Variants in ICAM3 observed in about 807,000 individuals in gnomAD.
ICAM3 encodes the protein intercellular adhesion molecule 3, also known as ICAM-3.
Under a neutral mutation model 43.6 loss-of-function variants are expected in ICAM3, and 54 were observed. That is an observed-to-expected ratio of 1.24 (90% CI 0.99 to 1.55). The LOEUF is 1.55. Among genes scored for constraint, ICAM3 ranks in the 40% most tolerant of loss-of-function variants. The pLI is 0.00. For synonymous variants in ICAM3, 306 were observed against 312.6 expected, an observed-to-expected ratio of 0.98 and a Z score of 0.22; for missense variants, 715 against 717.9, an observed-to-expected ratio of 1.00 and a Z score of 0.05.
At position 10,338,696 on chromosome 19, in the gene ICAM3, T is replaced by C; in HGVS notation, c.329A>G (p.Asn110Ser). Residue 110 changes from asparagine (N) to serine (S), a missense_variant, in exon 2 of 7, where the codon AAC (asparagine) becomes AGC (serine). By Grantham distance (46) the Asn-to-Ser change is conservative. Transcript: ENST00000160262. ...CNGSQITGSS[N>S]ITVYRLPERV... Reference sequence around the variant, plus strand: ...CGTCGACTCACTGTACACGGTGATGTTAGAGGAGCCTGTTATCTGAGAGCC... The same window carrying C: ...CGTCGACTCACTGTACACGGTGATGCTAGAGGAGCCTGTTATCTGAGAGCC... 6.2e-7 allele frequency: 1 copy of C among 1,614,082 alleles called. No homozygotes were observed. The highest frequency in any genetic ancestry group is 1.3e-5 in the African/African-American group (1 of 75,054).
chr19:10,334,654 G>A lies in ICAM3; in HGVS notation c.1066C>T (p.Gln356Ter). ...LDGVPAAAPG[Q>*]PAQLQLNATE... Reference sequence around the variant, plus strand: ...GCATTTAGCTGAAGTTGAGCTGGCTGCCCCGGGGCCGCGGCCGGAACTCCG... The same window carrying A: ...GCATTTAGCTGAAGTTGAGCTGGCTACCCCGGGGCCGCGGCCGGAACTCCG... Residue 356 changes from glutamine to a stop codon, truncating the protein, a stop_gained, in exon 5 of 7, where the codon CAG becomes TAG. Coordinates refer to ENST00000160262, the MANE Select transcript of ICAM3 (RefSeq NM_002162.5). LOFTEE classifies it high-confidence loss of function. The surrounding 1 kb of genome is among the most constrained non-coding windows in gnomAD (Gnocchi z 5.5). 3.1e-6 allele frequency: 5 copies of A among 1,613,298 alleles called. No individual in the cohort carries two copies. In the East Asian group the frequency reaches 1.1e-4, roughly 36 times the overall value.
Position 10,334,962 on chromosome 19 carries a change from T to TGC in ICAM3, c.937+102_937+103dup. The stretch of plus-strand genomic sequence containing the variant: ...ACTCAGGCCCAACCCACGTTGCAAC[T>TGC]GCTATTGGGGCAAGCCAGGCCCCAC... On this transcript the variant is annotated intron_variant, in intron 4 of 6. Transcript: ENST00000160262. This position sits in a 1 kb window ranked among gnomAD's most constrained non-coding sequence, Gnocchi z 5.5. 6.7e-7 allele frequency: 1 copy of TGC among 1,487,894 alleles called. No homozygotes were observed. Among genetic ancestry groups the TGC allele is most frequent in the East Asian group, 2.3e-5 (1 of 43,854 alleles). The allele number at this position is 1,487,894 out of a possible 1,614,324, so 92.2% of individuals were successfully genotyped here.
chr19:10,339,482 T>A, intron 1 of ICAM3, 57 bp downstream of exon 1: 7 of 1,454,992 alleles, frequency 4.8e-6, no homozygotes, highest in Non-Finnish European at 6.7e-6. Context: ...TCCTCTACCC[T>A]CTACTGATCC....
chr19:10,338,991 C>T (rs1315331208), intron 1 of ICAM3, 43 bp from the exon 2 acceptor site: 1 of 1,601,008 alleles, frequency 6.2e-7, no homozygotes, highest in Admixed American at 1.7e-5. Context: ...TTCCTTGTCC[C>T]CCAACCCACG....
rs1473883457 is a variant in ICAM3 at position 10,335,073 on chromosome 19, C to G, written c.930G>C (p.Thr310=). The change falls in exon 4 of 7, where the codon ACG becomes ACC. Residue 310 remains threonine (T), a synonymous_variant. Coordinates refer to ENST00000160262, the MANE Select transcript of ICAM3 (RefSeq NM_002162.5). ...TCCCACGCCTCCTCTTACTAAAGAC[C>G]GTCAAGTTCTCCCGGGCCTCCCGTC... is the stretch of plus-strand genomic sequence containing the variant. ...GERREARENL[T]VFSFLGPIVN... 8.7e-6 allele frequency: 14 copies of G among 1,612,336 alleles called. No individual in the cohort carries two copies. The highest frequency in any genetic ancestry group is 1.2e-5 in the Non-Finnish European group (14 of 1,179,144).
At chr19:10,335,415 TC>T in intron 3 of ICAM3, 62 bp from the exon 4 acceptor site, 22 of 1,419,382 alleles carry the variant, frequency 1.5e-5, no homozygotes, top group Non-Finnish European at 1.9e-5. Flanking sequence ...GACACCCTCA[TC>T]CCCCCCAGTC....
Position 10,334,738 on chromosome 19 carries a change from C to T in ICAM3, c.982G>A (p.Glu328Lys), listed in dbSNP as rs1568316763. The change falls in exon 5 of 7, where the codon GAG (glutamate) becomes AAG (lysine). Residue 328 changes from glutamate (E) to lysine (K), a missense_variant. Physicochemically the swap from Glu to Lys is moderately conservative, Grantham distance 56. Transcript: ENST00000160262. This position sits in a 1 kb window ranked among gnomAD's most constrained non-coding sequence, Gnocchi z 5.5. Reference sequence around the variant, plus strand: ...CAACTCACGGTCACTGTGGACCCCTCATGGGCGGTGGGCTCGCTGAGGTTC... The same window carrying T: ...CAACTCACGGTCACTGTGGACCCCTTATGGGCGGTGGGCTCGCTGAGGTTC... ...IVNLSEPTAH[E>K]GSTVTVSCMA... is the part of the protein sequence containing the mutation. 2 of 1,610,478 alleles carry T rather than the reference C, an allele frequency of 1.2e-6. No individual in the cohort carries two copies. Among genetic ancestry groups the T allele is most frequent in the African/African-American group, 1.3e-5 (1 of 74,872 alleles).
At chr19:10,337,648 G>A (rs2040613276) in intron 2 of ICAM3, among the ~76,000 whole-genome samples, 1 of 152,120 alleles carries the variant, frequency 6.6e-6, no homozygotes, top group South Asian at 2.1e-4. Context: ...TAAGAGACAA[G>A]GGTCTTGCTT....
chr19:10,334,710 A>G lies in ICAM3; in HGVS notation c.1010T>C (p.Met337Thr), dbSNP rs1418742573. Residue 337 changes from methionine to threonine, a missense_variant, in exon 5 of 7, where the codon ATG (methionine) becomes ACG (threonine). Met to Thr is a moderately conservative substitution (Grantham distance 81). Coordinates refer to ENST00000160262, the MANE Select transcript of ICAM3 (RefSeq NM_002162.5). The surrounding 1 kb of genome is among the most constrained non-coding windows in gnomAD (Gnocchi z 5.5). ...HEGSTVTVSC[M>T]AGARVQVTLD... is the part of the protein sequence containing the mutation. The stretch of plus-strand genomic sequence containing the variant: ...CGTGACCTGGACTCGAGCCCCAGCC[A>G]TGCAACTCACGGTCACTGTGGACCC... 5 of 1,613,156 alleles carry G rather than the reference A, an allele frequency of 3.1e-6. No homozygotes were observed. The highest frequency in any genetic ancestry group is 4.2e-6 in the Non-Finnish European group (5 of 1,179,982).
Position 10,334,276 on chromosome 19 carries a change from C to G in ICAM3, c.1325G>C (p.Arg442Pro). The change falls in exon 6 of 7, where the codon CGG becomes CCG. Residue 442 changes from arginine (R) to proline (P), a missense_variant. Transcript: ENST00000160262. The surrounding 1 kb of genome is among the most constrained non-coding windows in gnomAD (Gnocchi z 5.5). ...GAACGGGATCCCCACCGGCACCTCC[C>G]GGCTGGAGCCTTCCTTCAAACACCG... is the stretch of plus-strand genomic sequence containing the variant. ...ELRCLKEGSS[R>P]EVPVGIPFFV... is the part of the protein sequence containing the mutation. 1 of 1,614,210 alleles carries G rather than the reference C, an allele frequency of 6.2e-7. No individual in the cohort carries two copies. Among genetic ancestry groups the G allele is most frequent in the Non-Finnish European group, 8.5e-7 (1 of 1,180,032 alleles).
chr19:10,335,082 C>T lies in ICAM3; in HGVS notation c.921G>A (p.Glu307=). ...TCCTCTTACTAAAGACCGTCAAGTT[C>T]TCCCGGGCCTCCCGTCTCTCGCCCC... ...TLGGERREAR[E]NLTVFSFLGP... The change falls in exon 4 of 7, where the codon GAG becomes GAA. Residue 307 remains glutamate, a synonymous_variant. Transcript: ENST00000160262. 6.2e-7 allele frequency: 1 copy of T among 1,613,096 alleles called. No individual in the cohort carries two copies. Among genetic ancestry groups the T allele is most frequent in the Non-Finnish European group, 8.5e-7 (1 of 1,179,534 alleles).
chr19:10,338,500 CTGTCTCTG>C (rs1178059527), intron 2 of ICAM3, among the ~76,000 whole-genome samples, 174 bp downstream of exon 2: 1 of 152,040 alleles, frequency 6.6e-6, no homozygotes, highest in East Asian at 1.9e-4. Flanking sequence ...ATCTCTGTCT[CTGTCTCTG>C]TGTCTCTGTC....
chr19:10,335,102 C>G lies in ICAM3; in HGVS notation c.901G>C (p.Glu301Gln). Reference sequence around the variant, plus strand: ...AAGTTCTCCCGGGCCTCCCGTCTCTCGCCCCCTAGGGTCACGTTGCAGACG... The same window carrying G: ...AAGTTCTCCCGGGCCTCCCGTCTCTGGCCCCCTAGGGTCACGTTGCAGACG... ...EIVCNVTLGGERREARENLTV... is the reference protein window; with the variant it reads ...EIVCNVTLGGQRREARENLTV... The change falls in exon 4 of 7, where the codon GAG (glutamate) becomes CAG (glutamine). Residue 301 changes from glutamate (E) to glutamine (Q), a missense_variant. Coordinates refer to ENST00000160262, the MANE Select transcript of ICAM3 (RefSeq NM_002162.5). The G allele has an allele frequency of 6.2e-7, 1 of 1,613,454 alleles. No individual in the cohort carries two copies. Among genetic ancestry groups the G allele is most frequent in the Middle Eastern group, 1.6e-4 (1 of 6,062 alleles).
chr19:10,338,800 G>A lies in ICAM3; in HGVS notation c.225C>T (p.Ala75=), dbSNP rs1305200912. ...LETSLSKELV[A]SGMGWAAFNL... ...TGAAGGCTGCCCAGCCCATGCCACT[G>A]GCCACCAGCTCCTTTGATAGGGACG... The change falls in exon 2 of 7, where the codon GCC becomes GCT. Residue 75 remains alanine (A), a synonymous_variant. Transcript: ENST00000160262. 3.1e-6 allele frequency: 5 copies of A among 1,614,026 alleles called. No homozygotes were observed. In the East Asian group the frequency reaches 1.1e-4, roughly 36 times the overall value.
At chr19:10,339,101 C>A in intron 1 of ICAM3, 153 bp from the exon 2 acceptor site, 1 of 797,962 alleles carries the variant, frequency 1.3e-6, no homozygotes, top group Non-Finnish European at 1.9e-6. Context: ...CATCAGAGAC[C>A]GGGGAGAACT....
intron 1 of ICAM3, 75 bp from the exon 2 acceptor site, chr19:10,339,023 A>G: frequency 6.7e-7 from 1 of 1,490,348 alleles, no homozygotes; most frequent in Non-Finnish European, 9.2e-7. Context: ...CCCACCATTT[A>G]ACACCTCTCT....
At position 10,334,827 on chromosome 19, in the gene ICAM3, CT is replaced by C. The variant is rs778849009; in HGVS notation, c.938-46del. 1 of 1,532,112 alleles carries C rather than the reference CT, an allele frequency of 6.5e-7. No homozygotes were observed. The highest frequency in any genetic ancestry group is 2.3e-5 in the East Asian group (1 of 43,912). 94.9% of individuals were successfully genotyped at this position (1,532,112 alleles called of 1,614,324 possible). The stretch of plus-strand genomic sequence containing the variant: ...CAGGAGCTTAATGAACAGGACCTTC[CT>C]GTGGGTCAAGCCGCTCCCTCCGCCC... On this transcript the variant is annotated intron_variant, in intron 4 of 6. Transcript: ENST00000160262. This position sits in a 1 kb window ranked among gnomAD's most constrained non-coding sequence, Gnocchi z 5.5.
Position 10,334,840 on chromosome 19 carries a change from C to T in ICAM3, c.938-58G>A. ...AACAGGACCTTCCTGTGGGTCAAGCCGCTCCCTCCGCCCTCCCCTTTCCTC... is the reference window on the plus strand; with the variant it reads ...AACAGGACCTTCCTGTGGGTCAAGCTGCTCCCTCCGCCCTCCCCTTTCCTC... On this transcript the variant is annotated intron_variant, in intron 4 of 6. Transcript: ENST00000160262. This position sits in a 1 kb window ranked among gnomAD's most constrained non-coding sequence, Gnocchi z 5.5. 1.3e-6 allele frequency: 2 copies of T among 1,519,054 alleles called. No individual in the cohort carries two copies. Among genetic ancestry groups the T allele is most frequent in the Non-Finnish European group, 1.8e-6 (2 of 1,131,958 alleles). The allele number at this position is 1,519,054 out of a possible 1,614,324, so 94.1% of individuals were successfully genotyped here.
In ICAM3 at chr19:10,338,705, C is replaced by G. The variant is rs758065788; in HGVS notation, c.320G>C (p.Gly107Ala). Residue 107 changes from glycine (G) to alanine (A), a missense_variant, in exon 2 of 7, where the codon GGC (glycine) becomes GCC (alanine). Transcript: ENST00000160262. ...SVYCNGSQITGSSNITVYRLP... is the reference protein window; with the variant it reads ...SVYCNGSQITASSNITVYRLP... ...ACTGTACACGGTGATGTTAGAGGAG[C>G]CTGTTATCTGAGAGCCATTGCAGTA... 1.2e-6 allele frequency: 2 copies of G among 1,614,152 alleles called. No homozygotes were observed. The highest frequency in any genetic ancestry group is 2.2e-5 in the East Asian group (1 of 44,890).
Sources: gnomAD v4.1 joint callset for allele counts (sites outside exome capture counted in the v4.1 genomes callset) on GRCh38, gnomAD v4.1.1 for gene constraint, Gnocchi (gnomAD v3.1) non-coding constraint, MANE v1.5 for transcripts, NCBI Gene and HGNC (gene_info 2026-07-23, HGNC 2026-07-21) for gene names.